Variants in B3GAT2 observed in about 807,000 individuals in gnomAD.
B3GAT2 encodes beta-1,3-glucuronyltransferase 2.
Under a neutral mutation model 27.8 loss-of-function variants are expected in B3GAT2, and 26 were observed. The ratio of observed to expected loss-of-function variants is 0.93; its 90% confidence interval spans 0.68 to 1.30. The LOEUF is 1.30. Ranked by LOEUF, B3GAT2 falls within the 50% of genes most tolerant of loss-of-function variation. The probability of loss-of-function intolerance (pLI) is 0.00; values close to 1 mark genes in which losing one functional copy is unlikely to be tolerated. For synonymous variants in B3GAT2, 218 were observed against 195.1 expected, an observed-to-expected ratio of 1.12 and a Z score of -0.98; for missense variants, 458 against 459.0, an observed-to-expected ratio of 1.00 and a Z score of 0.02.
At position 70,860,064 on chromosome 6, in the gene B3GAT2, G is replaced by T; in HGVS notation, c.*1599C>A. On this transcript the variant is annotated 3_prime_UTR_variant, in exon 4 of 4. Transcript: ENST00000230053. ...TAGCTATTTGCTTTAAGAAATATTT[G>T]TATGGTACTCTGTTTTTATTCCAGT... is the stretch of plus-strand genomic sequence containing the variant. 1 of 954,638 alleles carries T rather than the reference G, an allele frequency of 1.0e-6. No homozygotes were observed. The highest frequency in any genetic ancestry group is 1.5e-6 in the Non-Finnish European group (1 of 665,598). 59.1% of individuals were successfully genotyped at this position (954,638 alleles called of 1,614,324 possible).
chr6:70,924,797 G>A (rs117046723), intron 1 of B3GAT2, among the ~76,000 whole-genome samples: 104 of 152,272 alleles, frequency 6.8e-4, no homozygotes, highest in East Asian at 1.4e-3. Context: ...AACTACTTTC[G>A]TAAAACTAAT....
At chr6:70,948,119 A>T (rs1420427154) in intron 1 of B3GAT2, among the ~76,000 whole-genome samples, 8 of 149,040 alleles carry the variant, frequency 5.4e-5, no homozygotes, top group African/African-American at 2.0e-4. Context: ...CCCACAGCCA[A>T]TATCATACTG....
At chr6:70,895,648 C>T (rs1024146267) in intron 1 of B3GAT2, among the ~76,000 whole-genome samples, 2 of 151,506 alleles carry the variant, frequency 1.3e-5, no homozygotes, top group East Asian at 1.9e-4. Context: ...TCGATTACAG[C>T]CACCCACCAA....
chr6:70,956,545 C>T lies in B3GAT2; in HGVS notation c.-116G>A. On this transcript the variant is annotated 5_prime_UTR_variant, in exon 1 of 4. Transcript: ENST00000230053. ...TAGGGAGTGGTGATGGGTGCGCTGT[C>T]CATGGGGCCGAGGGCGCTGCAGAGA... 1 of 1,503,314 alleles carries T rather than the reference C, an allele frequency of 6.7e-7. No individual in the cohort carries two copies. The highest frequency in any genetic ancestry group is 2.5e-5 in the East Asian group (1 of 40,636). The allele number at this position is 1,503,314 out of a possible 1,614,324, so 93.1% of individuals were successfully genotyped here.
intron 2 of B3GAT2, among the ~76,000 whole-genome samples, chr6:70,878,469 C>G (rs145237205): frequency 1.1e-3 from 164 of 152,306 alleles, no homozygotes; most frequent in African/African-American, 3.5e-3. Context: ...AATGTGAACA[C>G]TCCTGCTCTT....
chr6:70,946,419 G>A (rs1765484625), intron 1 of B3GAT2, among the ~76,000 whole-genome samples: 1 of 151,904 alleles, frequency 6.6e-6, no homozygotes. Context: ...AAAAAAGGCA[G>A]GGGTTGCAAT....
At chr6:70,871,958 AT>A (rs1310295331) in intron 2 of B3GAT2, among the ~76,000 whole-genome samples, 15 of 151,712 alleles carry the variant, frequency 9.9e-5, no homozygotes, top group South Asian at 2.1e-4. Flanking sequence ...TAACAAATTG[AT>A]TTTTTTTAGG....
At chr6:70,947,840 C>A (rs902853649) in intron 1 of B3GAT2, among the ~76,000 whole-genome samples, 40 of 152,170 alleles carry the variant, frequency 2.6e-4, no homozygotes, top group Non-Finnish European at 5.3e-4. Flanking sequence ...CAATAAAATA[C>A]TAGCAAACCG....
At chr6:70,924,521 T>C (rs1048138700) in intron 1 of B3GAT2, among the ~76,000 whole-genome samples, 1 of 152,150 alleles carries the variant, frequency 6.6e-6, no homozygotes, top group African/African-American at 2.4e-5. Context: ...AAAGCTACAT[T>C]AATCAAAGCA....
intron 2 of B3GAT2, among the ~76,000 whole-genome samples, chr6:70,891,467 C>T (rs1286649476): frequency 6.6e-6 from 1 of 152,084 alleles, no homozygotes; most frequent in African/African-American, 2.4e-5. Context: ...TTCAACATGG[C>T]AATAAAATGA....
At position 70,956,831 on chromosome 6, in the gene B3GAT2, G is replaced by A. The variant is rs988774061; in HGVS notation, c.-402C>T. 1 of 1,062,800 alleles carries A rather than the reference G, an allele frequency of 9.4e-7. No homozygotes were observed. Among genetic ancestry groups the A allele is most frequent in the South Asian group, 3.0e-5 (1 of 33,804 alleles). 65.8% of individuals were successfully genotyped at this position (1,062,800 alleles called of 1,614,324 possible). Reference sequence around the variant, plus strand: ...GTGCGCCTCGCCGCTCCAGTCCGGCGGTGCTGCGGGCACAAGGGCTCCAGC... The same window carrying A: ...GTGCGCCTCGCCGCTCCAGTCCGGCAGTGCTGCGGGCACAAGGGCTCCAGC... On this transcript the variant is annotated 5_prime_UTR_variant, in exon 1 of 4. Coordinates refer to ENST00000230053, the MANE Select transcript of B3GAT2 (RefSeq NM_080742.3).
intron 1 of B3GAT2, among the ~76,000 whole-genome samples, chr6:70,953,139 G>C (rs75978176): frequency 0.03 from 4,519 of 152,272 alleles, 91 homozygotes; most frequent in South Asian, 0.075. Context: ...AAAACTAATT[G>C]GTGTGCATGC....
intron 2 of B3GAT2, among the ~76,000 whole-genome samples, chr6:70,883,488 A>T (rs1027987144): frequency 1.3e-5 from 2 of 151,014 alleles, no homozygotes; most frequent in African/African-American, 4.9e-5. Context: ...GACAAATATG[A>T]TTCCACTTAT....
intron 1 of B3GAT2, among the ~76,000 whole-genome samples, chr6:70,944,574 C>A (rs2150050720): frequency 6.6e-6 from 1 of 152,308 alleles, no homozygotes; most frequent in African/African-American, 2.4e-5. Context: ...TGGGAAGCTC[C>A]AACTGGGTGG....
At chr6:70,868,500 T>C (rs1017209520) in intron 2 of B3GAT2, among the ~76,000 whole-genome samples, 1 of 152,224 alleles carries the variant, frequency 6.6e-6, no homozygotes, top group African/African-American at 2.4e-5. Context: ...TCTCCAACTA[T>C]ACATCATCTA....
chr6:70,899,839 G>GT (rs1167575311), intron 1 of B3GAT2, among the ~76,000 whole-genome samples: 2 of 152,154 alleles, frequency 1.3e-5, no homozygotes, highest in Non-Finnish European at 2.9e-5. Context: ...TTTCTGAGGG[G>GT]TAGGGGGAAT....
At chr6:70,946,019 T>C (rs986877132) in intron 1 of B3GAT2, among the ~76,000 whole-genome samples, 1 of 151,826 alleles carries the variant, frequency 6.6e-6, no homozygotes, top group African/African-American at 2.4e-5. Flanking sequence ...GACAAGCAAA[T>C]GCTGAGAGAT....
chr6:70,927,808 C>T (rs779352639), intron 1 of B3GAT2, among the ~76,000 whole-genome samples: 9 of 152,178 alleles, frequency 5.9e-5, no homozygotes, highest in East Asian at 1.9e-4. Flanking sequence ...ATATCCAGGA[C>T]TTGAACTCAG....
intron 1 of B3GAT2, among the ~76,000 whole-genome samples, chr6:70,929,479 C>A (rs1005244812): frequency 1.3e-5 from 2 of 152,158 alleles, no homozygotes; most frequent in Admixed American, 1.3e-4. Context: ...TCTCCTTAAG[C>A]TGATAAGCAA....
Sources: gnomAD v4.1 joint callset for allele counts (sites outside exome capture counted in the v4.1 genomes callset) on GRCh38, gnomAD v4.1.1 for gene constraint, MANE v1.5 for transcripts, NCBI Gene and HGNC (gene_info 2026-07-23, HGNC 2026-07-21) for gene names.